Variants in NAV2 observed in about 807,000 individuals in gnomAD.
NAV2 encodes the protein helicase, APC down-regulated 1.
Under a neutral mutation model 223.2 loss-of-function variants are expected in NAV2, and 54 were observed. That is an observed-to-expected ratio of 0.24 (90% CI 0.19 to 0.30). NAV2 has a LOEUF of 0.30. Among genes scored for constraint, NAV2 ranks in the 10% least tolerant of loss-of-function variants. The probability of loss-of-function intolerance (pLI) is 1.00; values close to 1 mark genes in which losing one functional copy is unlikely to be tolerated. For missense variants in NAV2, 2,806 were observed against 3,147.5 expected (o/e 0.89, Z 2.60); for synonymous variants, 1,279 against 1,239.3 (o/e 1.03, Z -0.67).
At chr11:19,915,836 G>A (rs1197043337) in intron 6 of NAV2, among the ~76,000 whole-genome samples, 2 of 152,164 alleles carry the variant, frequency 1.3e-5, no homozygotes, top group African/African-American at 4.8e-5. Flanking sequence ...ACAGGACTTG[G>A]CATACAGAGA....
intron 4 of NAV2, among the ~76,000 whole-genome samples, chr11:19,876,502 A>G (rs887836561): frequency 2.6e-5 from 4 of 152,238 alleles, no homozygotes; most frequent in Non-Finnish European, 4.4e-5. Context: ...TTCTGGCTCC[A>G]AAAAATGAGA....
intron 25 of NAV2, chr11:20,082,565 C>T: frequency 1.9e-6 from 3 of 1,613,904 alleles, no homozygotes; most frequent in Non-Finnish European, 2.5e-6. Flanking sequence ...CCCCCTTCCC[C>T]ATTTTTGCTT....
Position 19,691,763 on chromosome 11 carries a change from C to T in NAV2, c.76-140721C>T, listed in dbSNP as rs534672713. 3.3e-5 allele frequency among the ~76,000 whole-genome samples: 5 copies of T among 152,304 alleles called. No individual in the cohort carries two copies. The East Asian group carries it at 9.6e-4, about 29-fold the overall frequency. On this transcript the variant is annotated intron_variant, in intron 1 of 37. Coordinates refer to the NAV2 transcript ENST00000360655. ...AGCAGTCCCCACTCTCACCCAGCCT[C>T]AGCTTCCTGGAGGAAGACAAGGGCA... is the stretch of plus-strand genomic sequence containing the variant.
In NAV2 at chr11:20,105,517, C is replaced by T. The variant is rs777499540; in HGVS notation, c.6645-14C>T. ...ACCATCATCAGCTTGAAAAGTGTTT[C>T]TGACTTCCTCCAGATGGGTGCTTTG... is the stretch of plus-strand genomic sequence containing the variant. On this transcript the variant is annotated splice_polypyrimidine_tract_variant and intron_variant, in intron 34 of 37. Coordinates refer to ENST00000349880, the MANE Select transcript of NAV2 (RefSeq NM_145117.5). The T allele has an allele frequency of 6.2e-7, 1 of 1,602,706 alleles. No individual in the cohort carries two copies. Among genetic ancestry groups the T allele is most frequent in the South Asian group, 1.1e-5 (1 of 89,822 alleles).
At chr11:19,680,910 A>G (rs2048864575) in intron 1 of NAV2, among the ~76,000 whole-genome samples, 1 of 152,246 alleles carries the variant, frequency 6.6e-6, no homozygotes, top group Admixed American at 6.5e-5. Context: ...CCCATGCTTT[A>G]GGAATTTATT....
chr11:19,594,213 G>A (rs2046140328), intron 1 of NAV2, among the ~76,000 whole-genome samples: 1 of 152,150 alleles, frequency 6.6e-6, no homozygotes, highest in Admixed American at 6.5e-5. Flanking sequence ...GTGAAGGCCA[G>A]CAATGAGTAG....
At chr11:19,360,023 A>G (rs1164167044) in intron 1 of NAV2, among the ~76,000 whole-genome samples, 1 of 152,162 alleles carries the variant, frequency 6.6e-6, no homozygotes, top group African/African-American at 2.4e-5. Flanking sequence ...TTCTTAGTTC[A>G]GAGTCATGAA....
Position 20,104,266 on chromosome 11 carries a change from T to C in NAV2, c.6644+542T>C, listed in dbSNP as rs114684364. 788 of 159,748 alleles carry C rather than the reference T, an allele frequency of 4.9e-3. 7 individuals carry two copies. The highest frequency in any genetic ancestry group is 0.018 in the African/African-American group (758 of 41,612). The allele number at this position is 159,748 out of a possible 1,614,324, so 9.9% of individuals were successfully genotyped here. On this transcript the variant is annotated intron_variant, in intron 34 of 37. Transcript: ENST00000349880. ...CTCATGGCCAGGATGTGGGAGGGGCTGTTCACCTCGGTTGTGCTAGATTGC... is the reference window on the plus strand; with the variant it reads ...CTCATGGCCAGGATGTGGGAGGGGCCGTTCACCTCGGTTGTGCTAGATTGC...
chr11:19,919,472 G>A lies in NAV2; in HGVS notation c.932-13704G>A, dbSNP rs565619473. Among the ~76,000 whole-genome samples, 16 of 152,262 alleles carry A rather than the reference G, an allele frequency of 1.1e-4. No homozygotes were observed. In the South Asian group the frequency reaches 1.7e-3, roughly 16 times the overall value. ...TTCCAGTCAGCCTGGTGAAGTTGAC[G>A]GGGCACACAGGCCAATGCCTGTAGG... On this transcript the variant is annotated intron_variant, in intron 6 of 37. Transcript: ENST00000349880.
At chr11:19,552,090 T>C (rs1042433985) in intron 1 of NAV2, among the ~76,000 whole-genome samples, 3 of 152,028 alleles carry the variant, frequency 2.0e-5, no homozygotes, top group African/African-American at 7.2e-5. Flanking sequence ...GGGCTGAGAC[T>C]GGGGTGGCCT....
At chr11:19,448,146 C>G (rs1290593527) in intron 1 of NAV2, among the ~76,000 whole-genome samples, 1 of 152,122 alleles carries the variant, frequency 6.6e-6, no homozygotes, top group Non-Finnish European at 1.5e-5. Flanking sequence ...ACCCTGTGCC[C>G]CTACCCCACC....
chr11:19,663,219 C>T (rs2048331764), intron 1 of NAV2, among the ~76,000 whole-genome samples: 1 of 152,130 alleles, frequency 6.6e-6, no homozygotes, highest in Non-Finnish European at 1.5e-5. Context: ...TTTAGAAATG[C>T]ATGTAATTTC....
chr11:19,745,286 T>A (rs1173970651), intron 1 of NAV2, among the ~76,000 whole-genome samples: 1 of 152,266 alleles, frequency 6.6e-6, no homozygotes, highest in Non-Finnish European at 1.5e-5. Context: ...GCTCAGGTGT[T>A]TATTTTATGA....
At chr11:20,094,909 A>G (rs905123934) in intron 29 of NAV2, among the ~76,000 whole-genome samples, 2 of 152,148 alleles carry the variant, frequency 1.3e-5, no homozygotes, top group Non-Finnish European at 2.9e-5. Context: ...ACCCAATATT[A>G]TGGCATGTTC....
chr11:19,826,141 T>C (rs2152874143), intron 1 of NAV2, among the ~76,000 whole-genome samples: 1 of 152,260 alleles, frequency 6.6e-6, no homozygotes, highest in African/African-American at 2.4e-5. Flanking sequence ...TGATTTAGAA[T>C]TGGAATTGGG....
At chr11:20,007,230 T>A (rs962630241) in intron 11 of NAV2, among the ~76,000 whole-genome samples, 2 of 151,928 alleles carry the variant, frequency 1.3e-5, no homozygotes, top group African/African-American at 4.8e-5. Context: ...ATTACAGACT[T>A]GAGCCACTGT....
chr11:20,087,168 G>A (rs573794287), intron 26 of NAV2, among the ~76,000 whole-genome samples: 1 of 152,260 alleles, frequency 6.6e-6, no homozygotes, highest in Non-Finnish European at 1.5e-5. Context: ...GAGGGAGTAG[G>A]AACGGGGCCA....
chr11:19,777,420 CCCT>C (rs1565298326), intron 1 of NAV2: 3 of 433,946 alleles, frequency 6.9e-6, no homozygotes, highest in South Asian at 4.9e-5. Flanking sequence ...TTTTTTTTTC[CCCT>C]CCTCCTTTTT....
intron 1 of NAV2, among the ~76,000 whole-genome samples, chr11:19,501,844 T>C (rs923426739): frequency 2.0e-5 from 3 of 152,128 alleles, no homozygotes; most frequent in African/African-American, 7.2e-5. Context: ...AATATTGCGC[T>C]CTGGGAAATT....
Sources: gnomAD v4.1 joint callset for allele counts (sites outside exome capture counted in the v4.1 genomes callset) on GRCh38, gnomAD v4.1.1 for gene constraint, MANE v1.5 for transcripts, NCBI Gene and HGNC (gene_info 2026-07-23, HGNC 2026-07-21) for gene names.